CACNA2D3: variants seen among roughly 807,000 people sequenced by gnomAD.
The protein encoded by CACNA2D3 is calcium voltage-gated channel auxiliary subunit alpha2delta 3.
In CACNA2D3, 60 loss-of-function variants were observed where a neutral mutation model predicts 160.6. That is an observed-to-expected ratio of 0.37 (90% CI 0.30 to 0.46). CACNA2D3 has a LOEUF of 0.46. Ranked by LOEUF, CACNA2D3 falls within the 20% of genes least tolerant of loss-of-function variation. The probability of loss-of-function intolerance (pLI) is 1.00; values close to 1 mark genes in which losing one functional copy is unlikely to be tolerated. For synonymous variants in CACNA2D3, 558 were observed against 492.9 expected, an observed-to-expected ratio of 1.13 and a Z score of -1.75; for missense variants, 1,205 against 1,365.0, an observed-to-expected ratio of 0.88 and a Z score of 1.85.
chr3:55,013,385 A>G (rs3821653), intron 34 of CACNA2D3, among the ~76,000 whole-genome samples: 21,315 of 152,214 alleles, frequency 0.14, 1,789 homozygotes, highest in Admixed American at 0.21. Context: ...CTGGGCATCA[A>G]TATGACTTTT....
chr3:54,931,954 G>A (rs898058473), intron 27 of CACNA2D3, among the ~76,000 whole-genome samples: 3 of 152,162 alleles, frequency 2.0e-5, no homozygotes, highest in African/African-American at 7.2e-5. Flanking sequence ...GCTAAGGTGG[G>A]TGGATCACTT....
At chr3:54,981,117 G>A (rs1702497475) in intron 29 of CACNA2D3, among the ~76,000 whole-genome samples, 1 of 152,214 alleles carries the variant, frequency 6.6e-6, no homozygotes, top group Non-Finnish European at 1.5e-5. Flanking sequence ...AAAAGAGAAA[G>A]CACAGTCACA....
chr3:55,006,872 C>G (rs1159715865), intron 32 of CACNA2D3, among the ~76,000 whole-genome samples: 1 of 152,220 alleles, frequency 6.6e-6, no homozygotes, highest in Non-Finnish European at 1.5e-5. Context: ...TTAAGCAGCT[C>G]TAGCTGCAGA....
intron 4 of CACNA2D3, among the ~76,000 whole-genome samples, chr3:54,419,089 C>T (rs1163198552): frequency 6.6e-6 from 1 of 152,160 alleles, no homozygotes; most frequent in Admixed American, 6.5e-5. Context: ...AGTTAAAATA[C>T]AATTTGCCAA....
chr3:54,768,850 G>GT (rs1243717163), intron 13 of CACNA2D3, among the ~76,000 whole-genome samples: 1 of 152,140 alleles, frequency 6.6e-6, no homozygotes, highest in Non-Finnish European at 1.5e-5. Flanking sequence ...CCAAGGTTCT[G>GT]TTGCTGTATC....
At chr3:54,405,736 T>C (rs911158901) in intron 4 of CACNA2D3, among the ~76,000 whole-genome samples, 3 of 151,910 alleles carry the variant, frequency 2.0e-5, no homozygotes, top group Admixed American at 6.6e-5. Flanking sequence ...TCAAACTAAA[T>C]AGCTTCTGCA....
intron 11 of CACNA2D3, among the ~76,000 whole-genome samples, chr3:54,663,800 G>T (rs1272881748): frequency 6.6e-6 from 1 of 152,196 alleles, no homozygotes; most frequent in East Asian, 1.9e-4. Context: ...CTGGGGCTTG[G>T]ATGTGTGAGA....
At chr3:54,252,879 C>T (rs1245072512) in intron 2 of CACNA2D3, among the ~76,000 whole-genome samples, 1 of 125,380 alleles carries the variant, frequency 8.0e-6, no homozygotes, top group Non-Finnish European at 1.8e-5. Context: ...TTAAGCCCCC[C>T]GGGAAACACA....
intron 9 of CACNA2D3, among the ~76,000 whole-genome samples, chr3:54,590,972 CT>C (rs1702848205): frequency 6.6e-6 from 1 of 151,986 alleles, no homozygotes; most frequent in Non-Finnish European, 1.5e-5. Context: ...CCGTATGTGT[CT>C]TTTTATTTGG....
intron 27 of CACNA2D3, chr3:54,927,837 C>G (rs868290469): frequency 1.9e-6 from 3 of 1,538,998 alleles, no homozygotes; most frequent in Middle Eastern, 1.7e-4. Context: ...CCCGCAGATA[C>G]CTTTGTGAGG....
intron 2 of CACNA2D3, among the ~76,000 whole-genome samples, chr3:54,191,749 G>T (rs1405844883): frequency 6.6e-6 from 1 of 152,046 alleles, no homozygotes; most frequent in Non-Finnish European, 1.5e-5. Context: ...ACTTCTTCTG[G>T]CCTCTCTTTT....
intron 14 of CACNA2D3, among the ~76,000 whole-genome samples, chr3:54,822,730 TTTTCTTTCTTTCTTTCTTTCTTTC>T (rs61652736): frequency 1.6e-4 from 17 of 104,782 alleles, no homozygotes; most frequent in South Asian, 6.8e-4. Flanking sequence ...TTCTTTTTTA[TTTTCTTTCTTTCTTTCTTTCTTTC>T]TTTCTTTCTT....
chr3:54,158,502 G>A (rs1053470936), intron 2 of CACNA2D3, among the ~76,000 whole-genome samples: 4 of 152,108 alleles, frequency 2.6e-5, no homozygotes, highest in Non-Finnish European at 5.9e-5. Context: ...AGGATAAACC[G>A]ACTTTTCCAT....
At chr3:54,862,769 C>T (rs1699319668) in intron 17 of CACNA2D3, among the ~76,000 whole-genome samples, 1 of 152,156 alleles carries the variant, frequency 6.6e-6, no homozygotes, top group African/African-American at 2.4e-5. Flanking sequence ...AGAGAACTCC[C>T]TCTTCCGTGG....
chr3:54,878,944 G>C, intron 18 of CACNA2D3, 74 bp from the exon 19 acceptor site: 2 of 899,844 alleles, frequency 2.2e-6, no homozygotes, highest in Admixed American at 2.9e-5. Flanking sequence ...TCCACTGCAC[G>C]CTGAGGATGC....
At chr3:54,218,348 G>T (rs1435509470) in intron 2 of CACNA2D3, among the ~76,000 whole-genome samples, 1 of 152,182 alleles carries the variant, frequency 6.6e-6, no homozygotes, top group Admixed American at 6.5e-5. Flanking sequence ...GCTGCCCTGT[G>T]GGATGTGGGA....
At chr3:54,613,976 T>C (rs1698797400) in intron 9 of CACNA2D3, among the ~76,000 whole-genome samples, 1 of 152,210 alleles carries the variant, frequency 6.6e-6, no homozygotes, top group South Asian at 2.1e-4. Flanking sequence ...TACTCCTGCA[T>C]GTAGCTGTGT....
chr3:54,859,972 G>GCGCGCGCACACACACACA lies in CACNA2D3; in HGVS notation c.1627-11566_1627-11565insGCGCGCACACACACACAC, dbSNP rs535185040. Reference sequence around the variant, plus strand: ...TTAGAACATCATCTGGAAAGTAGATGCACACACACACACACACACACACAC... The same window carrying GCGCGCGCACACACACACA: ...TTAGAACATCATCTGGAAAGTAGATGCGCGCGCACACACACACACACACACACACACACACACACACAC... On this transcript the variant is annotated intron_variant, in intron 17 of 37. Coordinates refer to ENST00000474759, the MANE Select transcript of CACNA2D3 (RefSeq NM_018398.3). Among the ~76,000 whole-genome samples the GCGCGCGCACACACACACA allele has an allele frequency of 3.4e-3, 450 of 133,872 alleles. 5 individuals carry two copies. The highest frequency in any genetic ancestry group is 0.012 in the African/African-American group (421 of 35,936). The allele number at this position is 133,872 out of a possible 152,430, so 87.8% of individuals were successfully genotyped here.
chr3:54,441,791 T>A (rs1700148927), intron 4 of CACNA2D3, among the ~76,000 whole-genome samples: 1 of 152,206 alleles, frequency 6.6e-6, no homozygotes, highest in African/African-American at 2.4e-5. Context: ...TTGAAAAGAT[T>A]ATCCGTTACC....
Sources: allele counts gnomAD v4.1 joint callset (sites outside exome capture counted in the v4.1 genomes callset), GRCh38; gene constraint gnomAD v4.1.1; transcripts MANE v1.5; gene names NCBI Gene and HGNC (gene_info 2026-07-23, HGNC 2026-07-21).